Variants in SERPINE3 observed in about 807,000 individuals in gnomAD.
The protein encoded by SERPINE3 is serpin E3.
SERPINE3 carries 43 observed loss-of-function variants against 41.7 expected under a neutral mutation model. The ratio of observed to expected loss-of-function variants is 1.03; its 90% CI spans 0.81 to 1.33. The LOEUF is 1.33. SERPINE3 is among the 40% of genes most tolerant of loss of function. The pLI, the probability that SERPINE3 is intolerant of heterozygous loss-of-function variation, is 0.00. For missense variants in SERPINE3, 440 were observed against 491.7 expected, an observed-to-expected ratio of 0.89 and a Z score of 0.99; for synonymous variants, 200 against 192.2, an observed-to-expected ratio of 1.04 and a Z score of -0.34.
chr13:51,341,898 G>A (rs1454248109), intron 3 of SERPINE3, among the ~76,000 whole-genome samples: 3 of 152,206 alleles, frequency 2.0e-5, no homozygotes, highest in Admixed American at 6.5e-5. Context: ...CCTGGTTTAA[G>A]AGCCCATGCT....
At chr13:51,357,045 A>T (rs775264702) in intron 7 of SERPINE3, among the ~76,000 whole-genome samples, 14 of 152,172 alleles carry the variant, frequency 9.2e-5, no homozygotes, top group Non-Finnish European at 4.4e-5. Context: ...AGCCACTCTC[A>T]TTCATTCATA....
intron 1 of SERPINE3, 110 bp downstream of exon 1, chr13:51,339,853 A>T (rs1311915797): frequency 6.6e-6 from 1 of 152,038 alleles, no homozygotes; most frequent in Admixed American, 6.6e-5. Flanking sequence ...ATGGGAGGTT[A>T]TAAGAGCTGT....
intron 7 of SERPINE3, among the ~76,000 whole-genome samples, chr13:51,358,160 T>G (rs999111068): frequency 6.6e-6 from 1 of 152,084 alleles, no homozygotes; most frequent in Non-Finnish European, 1.5e-5. Flanking sequence ...TGCTATGTGT[T>G]TCTCTCTCTA....
chr13:51,357,987 T>C (rs1207617022), intron 7 of SERPINE3, among the ~76,000 whole-genome samples: 7 of 152,180 alleles, frequency 4.6e-5, no homozygotes. Context: ...ATGGAAGTTA[T>C]GTAAGTTAAC....
intron 7 of SERPINE3, among the ~76,000 whole-genome samples, chr13:51,355,360 G>A (rs1955465207): frequency 6.6e-6 from 1 of 152,116 alleles, no homozygotes; most frequent in Admixed American, 6.5e-5. Context: ...ATGGTTTTCA[G>A]AGACGACCTT....
At chr13:51,342,358 G>C (rs921484588) in intron 3 of SERPINE3, among the ~76,000 whole-genome samples, 4 of 152,058 alleles carry the variant, frequency 2.6e-5, no homozygotes, top group South Asian at 2.1e-4. Flanking sequence ...TTGTTAATCT[G>C]TCTGGGCCTC....
chr13:51,347,641 G>A (rs117431710), intron 5 of SERPINE3, among the ~76,000 whole-genome samples: 1,712 of 152,272 alleles, frequency 0.011, 25 homozygotes, highest in East Asian at 0.07. Flanking sequence ...ATCCGCATCA[G>A]AAAATATTAA....
At chr13:51,347,376 G>A (rs2137778794) in intron 5 of SERPINE3, 142 bp downstream of exon 5, 1 of 718,306 alleles carries the variant, frequency 1.4e-6, no homozygotes, top group Non-Finnish European at 2.4e-6. Flanking sequence ...ATGCATGGCG[G>A]AAGGAAAGAC....
chr13:51,345,189 A>G (rs1955333607), intron 4 of SERPINE3, among the ~76,000 whole-genome samples: 1 of 152,136 alleles, frequency 6.6e-6, no homozygotes, highest in African/African-American at 2.4e-5. Flanking sequence ...CATTCTATAA[A>G]TGGAGAAACT....
intron 7 of SERPINE3, 58 bp from the exon 8 acceptor site, chr13:51,361,219 TA>T: frequency 9.1e-7 from 1 of 1,100,264 alleles, no homozygotes; most frequent in Non-Finnish European, 1.4e-6. Context: ...GAATGTGTTC[TA>T]AATGTGTTAG....
chr13:51,350,654 T>C (rs1021677838), intron 6 of SERPINE3, among the ~76,000 whole-genome samples: 1 of 152,166 alleles, frequency 6.6e-6, no homozygotes, highest in Non-Finnish European at 1.5e-5. Context: ...ATAATTCACA[T>C]ATTATAAAAT....
At chr13:51,358,243 GGCA>G (rs1187522983) in intron 7 of SERPINE3, among the ~76,000 whole-genome samples, 1 of 152,008 alleles carries the variant, frequency 6.6e-6, no homozygotes, top group Non-Finnish European at 1.5e-5. Context: ...AGCAAGTTCT[GGCA>G]ATAACATTTT....
At chr13:51,344,597 G>T (rs1955328009) in intron 4 of SERPINE3, 112 bp downstream of exon 4, 1 of 815,094 alleles carries the variant, frequency 1.2e-6, no homozygotes, top group Non-Finnish European at 2.0e-6. Context: ...AATTACAGCA[G>T]AAGTCTGTCC....
At chr13:51,344,611 T>C in intron 4 of SERPINE3, 126 bp downstream of exon 4, 1 of 722,762 alleles carries the variant, frequency 1.4e-6, no homozygotes, top group South Asian at 1.7e-5. Flanking sequence ...TCTGTCCTCT[T>C]AGGAGATCCT....
rs565959142 is a variant in SERPINE3, at chr13:51,353,244, C to T, written c.900-1799C>T. Among the ~76,000 whole-genome samples the T allele has an allele frequency of 1.9e-3, 284 of 152,230 alleles. 1 individual carries two copies. Among genetic ancestry groups the T allele is most frequent in the African/African-American group, 6.3e-3 (261 of 41,534 alleles). ...TGATATTATCCAGTTTTATTACCCA[C>T]CATAATCATATTTAGTTTCAAATAG... On this transcript the variant is annotated intron_variant, in intron 6 of 9. Coordinates refer to ENST00000681248, the MANE Select transcript of SERPINE3 (RefSeq NM_001386375.1).
chr13:51,357,109 G>GAC (rs1211998059), intron 7 of SERPINE3, among the ~76,000 whole-genome samples: 7 of 152,156 alleles, frequency 4.6e-5, no homozygotes. Flanking sequence ...AGTTGAGACA[G>GAC]ACACCATATG....
Position 51,340,834 on chromosome 13 carries a change from C to A in SERPINE3, c.-45C>A. On this transcript the variant is annotated 5_prime_UTR_variant, in exon 2 of 10. Coordinates refer to ENST00000681248, the MANE Select transcript of SERPINE3 (RefSeq NM_001386375.1). ...TAAGTGGCCGAAGCAGATCTTCAGA[C>A]CCACAGTTTGGCTGCCAAAGGACCA... The A allele has an allele frequency of 1.8e-6, 1 of 553,528 alleles. No individual in the cohort carries two copies. The highest frequency in any genetic ancestry group is 3.2e-6 in the Non-Finnish European group (1 of 309,176). 34.3% of individuals were successfully genotyped at this position (553,528 alleles called of 1,614,324 possible).
At chr13:51,356,470 T>C (rs1955483474) in intron 7 of SERPINE3, among the ~76,000 whole-genome samples, 1 of 152,200 alleles carries the variant, frequency 6.6e-6, no homozygotes, top group Non-Finnish European at 1.5e-5. Flanking sequence ...GGCATCCCTG[T>C]TGTTGCTGGT....
rs747542330 is a variant in SERPINE3, at chr13:51,344,260, G to A, written c.265G>A (p.Val89Met). The change falls in exon 4 of 10, where the codon GTG becomes ATG. Residue 89 changes from valine (V) to methionine (M), a missense_variant. Physicochemically the swap from Val to Met is conservative, Grantham distance 21 (BLOSUM62 1). Transcript: ENST00000681248. Reference protein sequence around the residue: ...ALGYTVHDKRVKDFLHAVYAT... With the variant: ...ALGYTVHDKRMKDFLHAVYAT... ...CAACTTGTTTTTCACAGACAAAAGG[G>A]TGAAAGATTTCTTGCATGCTGTTTA... The A allele has an allele frequency of 9.3e-6, 15 of 1,613,704 alleles. No homozygotes were observed. In the Admixed American group the frequency reaches 2.5e-4, roughly 27 times the overall value.
Sources: gnomAD v4.1 joint callset for allele counts (sites outside exome capture counted in the v4.1 genomes callset) on GRCh38, gnomAD v4.1.1 for gene constraint, MANE v1.5 for transcripts, NCBI Gene and HGNC (gene_info 2026-07-23, HGNC 2026-07-21) for gene names.